Variants in DNAJC6 observed in about 807,000 individuals in gnomAD.
DNAJC6 encodes the protein DnaJ heat shock protein family (Hsp40) member C6, also known as auxilin.
A neutral mutation model predicts 110.0 loss-of-function variants in DNAJC6; 34 were observed. That is an observed-to-expected ratio of 0.31 (90% CI 0.24 to 0.41). DNAJC6 has a LOEUF of 0.41. DNAJC6 is among the 10% of genes least tolerant of loss of function. The probability of loss-of-function intolerance (pLI) is 1.00; values close to 1 mark genes in which losing one functional copy is unlikely to be tolerated. For missense variants in DNAJC6, 1,031 were observed against 1,207.8 expected, an observed-to-expected ratio of 0.85 and a Z score of 2.17; for synonymous variants, 406 against 437.2, an observed-to-expected ratio of 0.93 and a Z score of 0.89.
At chr1:65,377,365 G>A (rs558181703) in intron 4 of DNAJC6, among the ~76,000 whole-genome samples, 5 of 152,184 alleles carry the variant, frequency 3.3e-5, no homozygotes, top group South Asian at 2.1e-4. Context: ...AGTCATTTCC[G>A]TTCCTTGAAA....
chr1:65,404,122 G>A (rs984862641), intron 15 of DNAJC6, among the ~76,000 whole-genome samples: 2 of 152,196 alleles, frequency 1.3e-5, no homozygotes, highest in African/African-American at 2.4e-5. Context: ...TGGCAGGAGG[G>A]CTCTGGGACA....
chr1:65,291,418 A>G (rs1644873775), intron 1 of DNAJC6, among the ~76,000 whole-genome samples: 1 of 152,222 alleles, frequency 6.6e-6, no homozygotes, highest in South Asian at 2.1e-4. Context: ...AATTTTCATA[A>G]TAAAATATTC....
rs764017438 is a variant in DNAJC6 at position 65,392,721 on chromosome 1, G to A, written c.1759G>A (p.Gly587Ser). The change falls in exon 12 of 19, where the codon GGT (glycine) becomes AGT (serine). Residue 587 changes from glycine (G) to serine (S), a missense_variant. Physicochemically the swap from Gly to Ser is moderately conservative, Grantham distance 56. Coordinates refer to ENST00000371069, the MANE Select transcript of DNAJC6 (RefSeq NM_001256864.2). ...NSELLSDLFG[G>S]GGAAGPTQAG... ...TGAACTACTGAGTGACCTGTTTGGGGGTGGAGGTGCAGCTGGTCCCACCCA... is the reference window on the plus strand; with the variant it reads ...TGAACTACTGAGTGACCTGTTTGGGAGTGGAGGTGCAGCTGGTCCCACCCA... 6.2e-7 allele frequency: 1 copy of A among 1,612,832 alleles called. No homozygotes were observed. Among genetic ancestry groups the A allele is most frequent in the Admixed American group, 1.7e-5 (1 of 59,810 alleles).
At position 65,309,725 on chromosome 1, in the gene DNAJC6, C is replaced by A; in HGVS notation, c.-21C>A. On this transcript the variant is annotated 5_prime_UTR_variant, in exon 1 of 19. Transcript: ENST00000371069. ...TTTCGCTTCCCAGGTTGATTATTTT[C>A]TCTTTTCTCCGGGCTTGCCCATGAG... is the stretch of plus-strand genomic sequence containing the variant. 1 of 1,538,724 alleles carries A rather than the reference C, an allele frequency of 6.5e-7. No homozygotes were observed. The highest frequency in any genetic ancestry group is 8.8e-7 in the Non-Finnish European group (1 of 1,141,502).
Position 65,401,865 on chromosome 1 carries a change from G to A in DNAJC6, c.2212G>A (p.Asp738Asn), listed in dbSNP as rs140156759. Residue 738 changes from aspartate (D) to asparagine (N), a missense_variant, in exon 15 of 19, where the codon GAC becomes AAC. Coordinates refer to ENST00000371069, the MANE Select transcript of DNAJC6 (RefSeq NM_001256864.2). ...ACCCCAGACTCTGGATCCTTTTGCCGACCTTGGGACACTAGGTACAAACTC... is the reference window on the plus strand; with the variant it reads ...ACCCCAGACTCTGGATCCTTTTGCCAACCTTGGGACACTAGGTACAAACTC... ...SKPQTLDPFA[D>N]LGTLGSSSFA... 41 of 1,613,306 alleles carry A rather than the reference G, an allele frequency of 2.5e-5. No individual in the cohort carries two copies. Among genetic ancestry groups the A allele is most frequent in the East Asian group, 8.9e-5 (4 of 44,852 alleles).
At chr1:65,346,151 A>G (rs1645434906) in intron 1 of DNAJC6, among the ~76,000 whole-genome samples, 1 of 152,116 alleles carries the variant, frequency 6.6e-6, no homozygotes, top group East Asian at 1.9e-4. Flanking sequence ...CTCATTGAAC[A>G]TTTTTATGCC....
intron 4 of DNAJC6, among the ~76,000 whole-genome samples, chr1:65,378,918 G>A (rs907574405): frequency 6.6e-5 from 10 of 152,294 alleles, no homozygotes; most frequent in African/African-American, 2.4e-4. Flanking sequence ...TCCCCTGTAA[G>A]TTGTGTCCTT....
At chr1:65,363,838 A>G (rs910451551) in intron 1 of DNAJC6, among the ~76,000 whole-genome samples, 1 of 152,180 alleles carries the variant, frequency 6.6e-6, no homozygotes, top group Non-Finnish European at 1.5e-5. Flanking sequence ...AAAAAGCGCA[A>G]TTTTAAGAAG....
In DNAJC6 at chr1:65,372,021, A is replaced by T. The variant is rs1016386332; in HGVS notation, c.543+5825A>T. Reference sequence around the variant, plus strand: ...TTATATATCAAGTAAATATATAATTATGGAGTACTTTAAATTAATATTATT... The same window carrying T: ...TTATATATCAAGTAAATATATAATTTTGGAGTACTTTAAATTAATATTATT... On this transcript the variant is annotated intron_variant, in intron 4 of 18. Transcript: ENST00000371069. Among the ~76,000 whole-genome samples the T allele has an allele frequency of 2.0e-5, 3 of 152,160 alleles. No homozygotes were observed. The East Asian group carries it at 5.8e-4, about 29-fold the overall frequency.
chr1:65,405,900 C>G lies in DNAJC6; in HGVS notation c.2258C>G (p.Thr753Arg), dbSNP rs373800123. Residue 753 changes from threonine (T) to arginine (R), a missense_variant, in exon 16 of 19, where the codon ACA (threonine) becomes AGA (arginine). By Grantham distance (71) the Thr-to-Arg change is moderately conservative. Coordinates refer to ENST00000371069, the MANE Select transcript of DNAJC6 (RefSeq NM_001256864.2). ...GSSSFASKPT[T>R]PTGLGGGFPP... ...TCTTCCTTTGCCAGCAAACCCACCA[C>G]ACCAACTGGATTGGGTGGAGGATTC... 1.9e-6 allele frequency: 3 copies of G among 1,611,646 alleles called. No individual in the cohort carries two copies. The African/African-American group carries it at 4.0e-5, about 21-fold the overall frequency.
intron 5 of DNAJC6, among the ~76,000 whole-genome samples, chr1:65,380,890 GTTTTT>G (rs1302360579): frequency 3.4e-5 from 4 of 118,788 alleles, no homozygotes; most frequent in African/African-American, 1.2e-4. Flanking sequence ...GGGGGAGGGA[GTTTTT>G]TTTTTTTTGT....
In DNAJC6 at chr1:65,414,303, T is replaced by A. The variant is rs990504821; in HGVS notation, c.*1278T>A. 1 of 152,566 alleles carries A rather than the reference T, an allele frequency of 6.6e-6. No homozygotes were observed. Among genetic ancestry groups the A allele is most frequent in the Admixed American group, 6.5e-5 (1 of 15,282 alleles). 9.5% of individuals were successfully genotyped at this position (152,566 alleles called of 1,614,324 possible). On this transcript the variant is annotated 3_prime_UTR_variant, in exon 19 of 19. Coordinates refer to ENST00000371069, the MANE Select transcript of DNAJC6 (RefSeq NM_001256864.2). ...ATCAGTGTGTTGGCTGGTTCTCATT[T>A]TAAGGGGTAAGCAGTTTGCTATTCT...
chr1:65,401,757 T>A lies in DNAJC6; in HGVS notation c.2108-4T>A, dbSNP rs1167326183. The A allele has an allele frequency of 6.2e-7, 1 of 1,610,146 alleles. No individual in the cohort carries two copies. The highest frequency in any genetic ancestry group is 8.5e-7 in the Non-Finnish European group (1 of 1,179,174). ...CATTTTCAATGACCTTATTTCCTTT[T>A]CAGGAGGCTTTGGAATGGGAAGCAA... On this transcript the variant is annotated splice_region_variant and splice_polypyrimidine_tract_variant and intron_variant, in intron 14 of 18. Coordinates refer to ENST00000371069, the MANE Select transcript of DNAJC6 (RefSeq NM_001256864.2).
Position 65,326,505 on chromosome 1 carries a change from C to T in DNAJC6, c.193+16567C>T, listed in dbSNP as rs79059436. The stretch of plus-strand genomic sequence containing the variant: ...AGGAAAAAGCATTGTAGTCTTTACC[C>T]GTTTCTTAGTCAGTCTATTTAAAAC... On this transcript the variant is annotated intron_variant, in intron 1 of 18. Transcript: ENST00000371069. Among the ~76,000 whole-genome samples, 86 of 152,246 alleles carry T rather than the reference C, an allele frequency of 5.6e-4. 1 individual carries two copies. In the East Asian group the frequency reaches 0.015, roughly 27 times the overall value.
In DNAJC6 at chr1:65,412,966, A is replaced by G; in HGVS notation, c.2854A>G (p.Met952Val). 1.2e-6 allele frequency: 2 copies of G among 1,614,124 alleles called. No homozygotes were observed. The highest frequency in any genetic ancestry group is 1.7e-6 in the Non-Finnish European group (2 of 1,179,984). Reference protein sequence around the residue: ...PYEQYAKMIFMELNDAWSEFE... With the variant: ...PYEQYAKMIFVELNDAWSEFE... Reference sequence around the variant, plus strand: ...TGAACAATACGCAAAGATGATTTTCATGGAGCTCAATGATGCCTGGTCTGA... The same window carrying G: ...TGAACAATACGCAAAGATGATTTTCGTGGAGCTCAATGATGCCTGGTCTGA... The change falls in exon 19 of 19, where the codon ATG becomes GTG. Residue 952 changes from methionine to valine, a missense_variant. Met to Val is a conservative substitution (Grantham distance 21, BLOSUM62 1). Coordinates refer to ENST00000371069, the MANE Select transcript of DNAJC6 (RefSeq NM_001256864.2).
In DNAJC6 at chr1:65,385,824, A is replaced by T; in HGVS notation, c.913A>T (p.Arg305Trp). 1 of 1,614,156 alleles carries T rather than the reference A, an allele frequency of 6.2e-7. No individual in the cohort carries two copies. ...VSPIPFFNKQ[R>W]NGCRPYCDVL... The stretch of plus-strand genomic sequence containing the variant: ...TCCAATACCCTTTTTCAACAAACAG[A>T]GGAATGGATGTCGCCCTTACTGTGA... The change falls in exon 7 of 19, where the codon AGG (arginine) becomes TGG (tryptophan). Residue 305 changes from arginine (R) to tryptophan (W), a missense_variant. Arg to Trp is a moderately radical substitution (Grantham distance 101). Coordinates refer to ENST00000371069, the MANE Select transcript of DNAJC6 (RefSeq NM_001256864.2).
intron 4 of DNAJC6, among the ~76,000 whole-genome samples, chr1:65,367,141 TG>T (rs1645654175): frequency 6.6e-6 from 1 of 152,170 alleles, no homozygotes; most frequent in Non-Finnish European, 1.5e-5. Context: ...CAGCGTATTC[TG>T]AGAACAGTCT....
intron 1 of DNAJC6, among the ~76,000 whole-genome samples, 171 bp from the exon 2 acceptor site, chr1:65,364,464 G>T (rs1284988061): frequency 6.6e-6 from 1 of 152,056 alleles, no homozygotes; most frequent in African/African-American, 2.4e-5. Flanking sequence ...CAGTAGCAAT[G>T]CTATAACTCA....
intron 1 of DNAJC6, among the ~76,000 whole-genome samples, chr1:65,274,950 G>A (rs1653619748): frequency 1.3e-5 from 2 of 152,066 alleles, no homozygotes; most frequent in African/African-American, 4.8e-5. Context: ...GATTACCCCA[G>A]TGCTTCTTAT....
Sources: allele counts gnomAD v4.1 joint callset (sites outside exome capture counted in the v4.1 genomes callset), GRCh38; gene constraint gnomAD v4.1.1; transcripts MANE v1.5; gene names NCBI Gene and HGNC (gene_info 2026-07-23, HGNC 2026-07-21).